Variants in CFTR observed in about 807,000 individuals in gnomAD.
CFTR encodes the protein cystic fibrosis transmembrane conductance regulator.
CFTR carries 181 observed loss-of-function variants against 171.6 expected under a neutral mutation model. That is an observed-to-expected ratio of 1.05 (90% CI 0.93 to 1.19). The LOEUF is 1.19. CFTR is among the 50% of genes most tolerant of loss of function. The pLI, the probability that CFTR is intolerant of heterozygous loss-of-function variation, is 0.00. For synonymous variants in CFTR, 583 were observed against 608.0 expected (o/e 0.96, Z 0.60); for missense variants, 1,968 against 1,734.7 (o/e 1.13, Z -2.39).
At chr7:117,553,224 G>GAC (rs375658005) in intron 10 of CFTR, among the ~76,000 whole-genome samples, 47,157 of 148,926 alleles carry the variant, frequency 0.32, 9,239 homozygotes, top group African/African-American at 0.57. Context: ...CCTGAACAAG[G>GAC]ACACACACAC....
At chr7:117,658,657 C>T (rs754638291) in intron 24 of CFTR, among the ~76,000 whole-genome samples, 3 of 152,170 alleles carry the variant, frequency 2.0e-5, no homozygotes, top group Admixed American at 6.6e-5. Context: ...ATCCCATCCT[C>T]CAGTTTCCCA....
chr7:117,542,016 G>A lies in CFTR; in HGVS notation c.1117G>A (p.Asp373Asn), dbSNP rs556880586. 6.9e-6 allele frequency: 10 copies of A among 1,443,738 alleles called. No individual in the cohort carries two copies. Among genetic ancestry groups the A allele is most frequent in the African/African-American group, 5.6e-5 (4 of 71,618 alleles). 89.4% of individuals were successfully genotyped at this position (1,443,738 alleles called of 1,614,324 possible). A position where few individuals can be genotyped will look rare whatever the true frequency, so the allele number is the denominator to read the frequency against. The change falls in exon 9 of 27, where the codon GAT (aspartate) becomes AAT (asparagine). Residue 373 changes from aspartate (D) to asparagine (N), a missense_variant and splice_region_variant. Transcript: ENST00000003084. Reference sequence around the variant, plus strand: ...TGTTTTTGCTCTCTTTTATAAATAGGATTTCTTACAAAAGCAAGAATATAA... The same window carrying A: ...TGTTTTTGCTCTCTTTTATAAATAGAATTTCTTACAAAAGCAAGAATATAA... The part of the protein sequence containing the change: ...DSLGAINKIQ[D>N]FLQKQEYKTL...
intron 11 of CFTR, among the ~76,000 whole-genome samples, chr7:117,562,741 C>G (rs1310561901): frequency 6.6e-6 from 1 of 152,088 alleles, no homozygotes; most frequent in Non-Finnish European, 1.5e-5. Context: ...CTAGAGGTAC[C>G]CTTAGGGCAC....
Position 117,609,896 on chromosome 7 carries a change from G to T in CFTR, c.2989-623G>T, listed in dbSNP as rs1584821142. 4.6e-5 allele frequency among the ~76,000 whole-genome samples: 7 copies of T among 152,094 alleles called. 1 individual carries two copies. The highest frequency in any genetic ancestry group is 4.6e-4 in the Admixed American group (7 of 15,256). On this transcript the variant is annotated intron_variant, in intron 18 of 26. Transcript: ENST00000003084. ...TTCAAACTTCAAAAATGTTATCAGTGACCTAAACAATTTTTAAAATTTTCA... is the reference window on the plus strand; with the variant it reads ...TTCAAACTTCAAAAATGTTATCAGTTACCTAAACAATTTTTAAAATTTTCA...
At chr7:117,579,866 A>G (rs997373344) in intron 11 of CFTR, among the ~76,000 whole-genome samples, 1 of 151,928 alleles carries the variant, frequency 6.6e-6, no homozygotes, top group Non-Finnish European at 1.5e-5. Context: ...TTCAAGTAAA[A>G]GAAAATGAGG....
chr7:117,540,916 A>G (rs1297975696), intron 8 of CFTR, among the ~76,000 whole-genome samples: 1 of 152,138 alleles, frequency 6.6e-6, no homozygotes, highest in Non-Finnish European at 1.5e-5. Flanking sequence ...GGTTGCCAGC[A>G]ATTAAAAATT....
At chr7:117,633,055 T>C (rs1438854911) in intron 22 of CFTR, among the ~76,000 whole-genome samples, 1 of 152,176 alleles carries the variant, frequency 6.6e-6, no homozygotes, top group African/African-American at 2.4e-5. Context: ...GCAAAATAAC[T>C]GGCTGGGATT....
intron 24 of CFTR, among the ~76,000 whole-genome samples, chr7:117,661,693 G>C (rs1263059529): frequency 6.6e-6 from 1 of 152,152 alleles, no homozygotes; most frequent in Admixed American, 6.6e-5. Context: ...TGTCCTTGGA[G>C]TTGCCCAGGC....
At chr7:117,582,879 A>T (rs1791868916) in intron 11 of CFTR, among the ~76,000 whole-genome samples, 1 of 152,068 alleles carries the variant, frequency 6.6e-6, no homozygotes, top group African/African-American at 2.4e-5. Flanking sequence ...TCTTTGGAGG[A>T]ATTTGATATT....
intron 17 of CFTR, among the ~76,000 whole-genome samples, chr7:117,605,811 T>C (rs7783208): frequency 0.047 from 7,184 of 152,210 alleles, 576 homozygotes; most frequent in African/African-American, 0.16. Context: ...ACTAGGTAGG[T>C]GGGTTGAGGC....
intron 11 of CFTR, among the ~76,000 whole-genome samples, chr7:117,561,598 C>T (rs941506762): frequency 1.9e-4 from 29 of 152,134 alleles, no homozygotes; most frequent in African/African-American, 6.5e-4. Context: ...AAATAAGCTT[C>T]TAAAGAAGAA....
At chr7:117,492,914 G>A (rs1798183796) in intron 1 of CFTR, among the ~76,000 whole-genome samples, 2 of 151,962 alleles carry the variant, frequency 1.3e-5, no homozygotes, top group Non-Finnish European at 2.9e-5. Context: ...TTTTAAGGAA[G>A]TTACCATTTT....
intron 4 of CFTR, among the ~76,000 whole-genome samples, chr7:117,533,247 T>C (rs936240074): frequency 3.3e-5 from 5 of 152,102 alleles, no homozygotes; most frequent in African/African-American, 4.8e-5. Context: ...TCTGATAATG[T>C]TTTGGAATTA....
chr7:117,514,567 A>G (rs1260738163), intron 3 of CFTR, among the ~76,000 whole-genome samples: 1 of 152,118 alleles, frequency 6.6e-6, no homozygotes, highest in African/African-American at 2.4e-5. Flanking sequence ...ATTGATGGGC[A>G]TTTGGGTTGG....
chr7:117,605,282 A>G (rs1423273336), intron 17 of CFTR, among the ~76,000 whole-genome samples: 1 of 152,214 alleles, frequency 6.6e-6, no homozygotes, highest in Admixed American at 6.5e-5. Context: ...CTGTTTATAA[A>G]TATCAATGGC....
At chr7:117,495,054 C>G (rs939810772) in intron 1 of CFTR, among the ~76,000 whole-genome samples, 3 of 152,102 alleles carry the variant, frequency 2.0e-5, no homozygotes, top group Non-Finnish European at 2.9e-5. Context: ...TCCATTTCCC[C>G]TTTTCCTTAT....
chr7:117,608,701 C>T (rs759074217), intron 18 of CFTR, among the ~76,000 whole-genome samples: 20 of 152,028 alleles, frequency 1.3e-4, no homozygotes, highest in South Asian at 8.3e-4. Context: ...TCACAGGGGT[C>T]CTTCAAATTG....
In CFTR at chr7:117,592,127, A is replaced by G. The variant is rs1800099; in HGVS notation, c.1960A>G (p.Ser654Gly). Residue 654 changes from serine to glycine, a missense_variant, in exon 14 of 27, where the codon AGT becomes GGT. Ser to Gly is a moderately conservative substitution (Grantham distance 56). Coordinates refer to ENST00000003084, the MANE Select transcript of CFTR (RefSeq NM_000492.4). ...GGGATGTGATTCTTTCGACCAATTT[A>G]GTGCAGAAAGAAGAAATTCAATCCT... The part of the protein sequence containing the change: ...LMGCDSFDQF[S>G]AERRNSILTE... 6.2e-7 allele frequency: 1 copy of G among 1,614,034 alleles called. No homozygotes were observed. Among genetic ancestry groups the G allele is most frequent in the East Asian group, 2.2e-5 (1 of 44,876 alleles).
intron 3 of CFTR, among the ~76,000 whole-genome samples, chr7:117,512,771 A>G (rs1798539834): frequency 6.6e-6 from 1 of 152,140 alleles, no homozygotes; most frequent in Non-Finnish European, 1.5e-5. Context: ...GTGAGAGAAT[A>G]TGATTATACA....
Sources: gnomAD v4.1 joint callset for allele counts (sites outside exome capture counted in the v4.1 genomes callset) on GRCh38, gnomAD v4.1.1 for gene constraint, MANE v1.5 for transcripts, NCBI Gene and HGNC (gene_info 2026-07-23, HGNC 2026-07-21) for gene names.